Variants in DPYD observed in about 807,000 individuals in gnomAD.
DPYD encodes dihydropyrimidine dehydrogenase, also known as dihydropyrimidine dehydrogenase [NADP(+)].
DPYD carries 109 observed loss-of-function variants against 116.2 expected under a neutral mutation model. The ratio of observed to expected loss-of-function variants is 0.94; its 90% confidence interval spans 0.80 to 1.10. The LOEUF (loss-of-function observed/expected upper bound fraction) is 1.10. Ranked by LOEUF, DPYD falls within the 50% of genes least tolerant of loss-of-function variation. The pLI, the probability that DPYD is intolerant of heterozygous loss-of-function variation, is 0.00. For synonymous variants in DPYD, 440 were observed against 432.0 expected (o/e 1.02, Z -0.23); for missense variants, 1,302 against 1,254.5 (o/e 1.04, Z -0.57).
chr1:97,456,078 A>G (rs1470877651), intron 13 of DPYD, among the ~76,000 whole-genome samples: 3 of 151,858 alleles, frequency 2.0e-5, no homozygotes, highest in Admixed American at 6.6e-5. Flanking sequence ...TCTGTCACAT[A>G]TATCAGTCTT....
intron 13 of DPYD, among the ~76,000 whole-genome samples, chr1:97,498,462 A>G (rs1456704737): frequency 6.7e-6 from 1 of 149,664 alleles, no homozygotes; most frequent in Non-Finnish European, 1.5e-5. Flanking sequence ...ATATACACAC[A>G]CAGTACTTTG....
At chr1:97,121,312 C>A (rs1652411805) in intron 20 of DPYD, among the ~76,000 whole-genome samples, 1 of 152,180 alleles carries the variant, frequency 6.6e-6, no homozygotes, top group South Asian at 2.1e-4. Flanking sequence ...CATTAAAATT[C>A]TTCCCTGCCT....
intron 3 of DPYD, among the ~76,000 whole-genome samples, chr1:97,765,164 C>T (rs577799662): frequency 3.9e-5 from 6 of 152,228 alleles, no homozygotes; most frequent in African/African-American, 1.4e-4. Context: ...TTCTATACAA[C>T]GCCTTCACTC....
chr1:97,098,347 C>A, intron 21 of DPYD, 142 bp downstream of exon 21: 1 of 979,078 alleles, frequency 1.0e-6, no homozygotes, highest in Non-Finnish European at 1.5e-6. Context: ...CAGTTTTCAC[C>A]ATGGACAGAT....
At chr1:97,597,766 C>A (rs144213580) in intron 8 of DPYD, among the ~76,000 whole-genome samples, 1 of 152,138 alleles carries the variant, frequency 6.6e-6, no homozygotes, top group African/African-American at 2.4e-5. Context: ...TCCTGTCCTG[C>A]GCTAAGGAGT....
intron 12 of DPYD, among the ~76,000 whole-genome samples, chr1:97,532,921 T>TTGTTG (rs1553190658): frequency 6.7e-6 from 1 of 148,946 alleles, no homozygotes; most frequent in Non-Finnish European, 1.5e-5. Flanking sequence ...GTTTTTTTTT[T>TTGTTG]TTGTTGTTGT....
intron 18 of DPYD, among the ~76,000 whole-genome samples, chr1:97,267,627 G>A (rs1430184924): frequency 6.6e-6 from 1 of 151,996 alleles, no homozygotes; most frequent in Non-Finnish European, 1.5e-5. Context: ...CATGAGGGTG[G>A]AGCTTTATGG....
At chr1:97,669,219 A>C (rs1486105952) in intron 8 of DPYD, among the ~76,000 whole-genome samples, 2 of 152,164 alleles carry the variant, frequency 1.3e-5, no homozygotes, top group Admixed American at 6.6e-5. Context: ...TGAGATAGGA[A>C]AGTAAATAAG....
At chr1:97,080,671 T>C (rs927019690) in intron 22 of DPYD, among the ~76,000 whole-genome samples, 13 of 152,144 alleles carry the variant, frequency 8.5e-5, no homozygotes, top group Non-Finnish European at 1.6e-4. Flanking sequence ...CCCTTTTATA[T>C]AAATGGAAAC....
intron 18 of DPYD, among the ~76,000 whole-genome samples, chr1:97,294,960 T>C (rs1666432352): frequency 6.6e-6 from 1 of 152,186 alleles, no homozygotes; most frequent in African/African-American, 2.4e-5. Context: ...AATGTTAGAT[T>C]AGTAAGTGAC....
intron 7 of DPYD, among the ~76,000 whole-genome samples, chr1:97,686,370 C>T (rs1660725950): frequency 6.6e-6 from 1 of 152,020 alleles, no homozygotes; most frequent in Non-Finnish European, 1.5e-5. Context: ...GGCGCGGTGG[C>T]TCACGCCTGT....
chr1:97,790,838 G>A (rs1205992278), intron 3 of DPYD, among the ~76,000 whole-genome samples: 1 of 152,078 alleles, frequency 6.6e-6, no homozygotes, highest in Non-Finnish European at 1.5e-5. Flanking sequence ...AATCAAATTT[G>A]TAAGCATGAT....
At chr1:97,495,640 C>T (rs1489035864) in intron 13 of DPYD, among the ~76,000 whole-genome samples, 1 of 151,972 alleles carries the variant, frequency 6.6e-6, no homozygotes, top group Non-Finnish European at 1.5e-5. Context: ...GGGAGGATGA[C>T]ACACATCATT....
chr1:97,100,566 G>T (rs1206951023), intron 20 of DPYD, among the ~76,000 whole-genome samples: 1 of 152,002 alleles, frequency 6.6e-6, no homozygotes, highest in African/African-American at 2.4e-5. Flanking sequence ...GGTTTACATG[G>T]TTCTCTGTTT....
rs72977706 is a variant in DPYD at position 97,686,770 on chromosome 1, C to T, written c.762+4947G>A. Among the ~76,000 whole-genome samples the T allele has an allele frequency of 5.0e-3, 757 of 150,718 alleles. 5 individuals are homozygous for T. Among genetic ancestry groups the T allele is most frequent in the African/African-American group, 0.018 (718 of 41,000 alleles). Reference sequence around the variant, plus strand: ...GATTTCATCATGAAAACATCAAAAGCACCTGCACAAAAGCAAAAATTGACA... The same window carrying T: ...GATTTCATCATGAAAACATCAAAAGTACCTGCACAAAAGCAAAAATTGACA... On this transcript the variant is annotated intron_variant, in intron 7 of 22. Coordinates refer to ENST00000370192, the MANE Select transcript of DPYD (RefSeq NM_000110.4).
At chr1:97,195,050 A>T (rs566317092) in intron 19 of DPYD, among the ~76,000 whole-genome samples, 1 of 152,282 alleles carries the variant, frequency 6.6e-6, no homozygotes, top group Non-Finnish European at 1.5e-5. Flanking sequence ...TTGATATCAC[A>T]TGTAGACTCC....
rs1671451319 is a variant in DPYD, at chr1:97,374,001, G to A, written c.1975-357C>T. Among the ~76,000 whole-genome samples, 3 of 152,286 alleles carry A rather than the reference G, an allele frequency of 2.0e-5. No homozygotes were observed. The South Asian group carries it at 6.2e-4, about 32-fold the overall frequency. On this transcript the variant is annotated intron_variant, in intron 15 of 22. Coordinates refer to ENST00000370192, the MANE Select transcript of DPYD (RefSeq NM_000110.4). Reference sequence around the variant, plus strand: ...GGTTAAATGACAAGCTTAGTTATTAGGTGACACAGTAGAGATTGTAACTCA... The same window carrying A: ...GGTTAAATGACAAGCTTAGTTATTAAGTGACACAGTAGAGATTGTAACTCA...
At chr1:97,165,170 T>C (rs886540564) in intron 20 of DPYD, among the ~76,000 whole-genome samples, 8 of 152,048 alleles carry the variant, frequency 5.3e-5, no homozygotes, top group African/African-American at 1.9e-4. Context: ...GTTACCTGAC[T>C]CTAAACTATA....
At chr1:97,117,903 C>T (rs1448337205) in intron 20 of DPYD, among the ~76,000 whole-genome samples, 1 of 152,078 alleles carries the variant, frequency 6.6e-6, no homozygotes, top group African/African-American at 2.4e-5. Context: ...TTATTGACTA[C>T]ATAATCAATT....
Sources: allele counts gnomAD v4.1 joint callset (sites outside exome capture counted in the v4.1 genomes callset), GRCh38; gene constraint gnomAD v4.1.1; transcripts MANE v1.5; gene names NCBI Gene and HGNC (gene_info 2026-07-23, HGNC 2026-07-21).